The following ZRANB3 variants were observed in gnomAD, a reference collection of about 807,000 sequenced individuals.
The protein encoded by ZRANB3 is DNA annealing helicase and endonuclease ZRANB3.
In ZRANB3, 125 loss-of-function variants were observed where a neutral mutation model predicts 133.8. The ratio of observed to expected loss-of-function variants is 0.93; its 90% CI spans 0.81 to 1.08. The LOEUF is 1.08. Among genes scored for constraint, ZRANB3 ranks in the 50% least tolerant of loss-of-function variants. The probability of loss-of-function intolerance (pLI) is 0.00; values close to 1 mark genes in which losing one functional copy is unlikely to be tolerated. For missense variants in ZRANB3, 1,229 were observed against 1,275.5 expected (o/e 0.96, Z 0.56); for synonymous variants, 387 against 432.7 (o/e 0.89, Z 1.31).
intron 9 of ZRANB3, 76 bp from the exon 10 acceptor site, chr2:135,271,963 T>G (rs1419059164): frequency 7.3e-7 from 1 of 1,365,482 alleles, no homozygotes; most frequent in Non-Finnish European, 9.5e-7. Flanking sequence ...TTTTACAGCT[T>G]ATTTTTATGG....
At chr2:135,424,941 C>T (rs1172648856) in intron 2 of ZRANB3, among the ~76,000 whole-genome samples, 15 of 152,064 alleles carry the variant, frequency 9.9e-5, no homozygotes, top group Admixed American at 9.8e-4. Flanking sequence ...ATACAAAAGA[C>T]TGCATACAAA....
chr2:135,389,905 G>A (rs1338311120), intron 3 of ZRANB3, among the ~76,000 whole-genome samples: 1 of 135,276 alleles, frequency 7.4e-6, no homozygotes, highest in Non-Finnish European at 1.6e-5. Flanking sequence ...TTTTGAGACG[G>A]AGTCTCACTC....
chr2:135,291,220 C>A (rs1347293751), intron 8 of ZRANB3, among the ~76,000 whole-genome samples: 2 of 151,350 alleles, frequency 1.3e-5, no homozygotes, highest in Non-Finnish European at 1.5e-5. Context: ...ACTCTGTCAC[C>A]CAGGGTGGAG....
intron 8 of ZRANB3, among the ~76,000 whole-genome samples, chr2:135,311,322 CA>C (rs1197409229): frequency 6.6e-6 from 1 of 152,058 alleles, no homozygotes; most frequent in Non-Finnish European, 1.5e-5. Flanking sequence ...CTAGTGCTCA[CA>C]AAGATATCAA....
chr2:135,511,279 T>C, intron 1 of ZRANB3: 1 of 1,014,788 alleles, frequency 9.9e-7, no homozygotes, highest in Non-Finnish European at 1.6e-6. Flanking sequence ...TCAGGAGCAG[T>C]TTCTTCTAAT....
intron 2 of ZRANB3, among the ~76,000 whole-genome samples, chr2:135,479,532 G>C (rs780665947): frequency 1.2e-4 from 18 of 152,222 alleles, no homozygotes; most frequent in African/African-American, 3.9e-4. Flanking sequence ...CTACTCGGAA[G>C]GCTGAGGCGG....
chr2:135,229,663 G>A (rs1030613052), intron 13 of ZRANB3, among the ~76,000 whole-genome samples: 6 of 152,182 alleles, frequency 3.9e-5, no homozygotes, highest in Non-Finnish European at 7.4e-5. Context: ...CACCGCGCCC[G>A]GCCGCCAATA....
At chr2:135,275,841 C>A in intron 8 of ZRANB3, 86 bp from the exon 9 acceptor site, 1 of 1,123,774 alleles carries the variant, frequency 8.9e-7, no homozygotes, top group Non-Finnish European at 1.2e-6. Flanking sequence ...AGAAAAATGG[C>A]TTGAAAATCA....
At chr2:135,398,619 C>A (rs991763093) in intron 2 of ZRANB3, among the ~76,000 whole-genome samples, 2 of 148,944 alleles carry the variant, frequency 1.3e-5, no homozygotes, top group Non-Finnish European at 1.5e-5. Context: ...CCTGGGTTTA[C>A]GCCATTCTCC....
intron 8 of ZRANB3, among the ~76,000 whole-genome samples, chr2:135,294,142 A>G (rs1222362052): frequency 2.6e-5 from 4 of 152,088 alleles, no homozygotes; most frequent in Admixed American, 6.6e-5. Context: ...CTCTTTTTCT[A>G]TTGATTGGAA....
At chr2:135,377,583 T>C (rs370690643) in intron 3 of ZRANB3, among the ~76,000 whole-genome samples, 33 of 152,192 alleles carry the variant, frequency 2.2e-4, no homozygotes, top group African/African-American at 7.7e-4. Flanking sequence ...GGGTTCCCAA[T>C]TGCCAAAGCT....
chr2:135,530,058 T>C (rs2104854480), intron 1 of ZRANB3, among the ~76,000 whole-genome samples: 1 of 151,106 alleles, frequency 6.6e-6, no homozygotes, highest in African/African-American at 2.4e-5. Flanking sequence ...AAACCCCGTC[T>C]CTACTAAAAA....
At chr2:135,485,310 C>T (rs1437491013) in intron 2 of ZRANB3, among the ~76,000 whole-genome samples, 3 of 152,022 alleles carry the variant, frequency 2.0e-5, no homozygotes, top group South Asian at 2.1e-4. Flanking sequence ...ACTGTCTATC[C>T]CAGGGGCCAG....
chr2:135,511,063 G>A lies in ZRANB3; in HGVS notation c.-7-6567C>T, dbSNP rs187164236. The A allele has an allele frequency of 5.7e-4, 444 of 773,116 alleles. No homozygotes were observed. The African/African-American group carries it at 6.9e-3, about 12-fold the overall frequency. The allele number at this position is 773,116 out of a possible 1,614,324, so 47.9% of individuals were successfully genotyped here. A position where few individuals can be genotyped will look rare whatever the true frequency, so the allele number is the denominator to read the frequency against. On this transcript the variant is annotated intron_variant, in intron 1 of 20. Coordinates refer to ENST00000264159, the MANE Select transcript of ZRANB3 (RefSeq NM_032143.4). ...CTTTGATCCCTTTGAGGTTTCTGTG[G>A]TGGAATCTGAGATTCAGGCTTAGAC...
chr2:135,278,181 A>G (rs983247558), intron 8 of ZRANB3, among the ~76,000 whole-genome samples: 1 of 152,180 alleles, frequency 6.6e-6, no homozygotes, highest in Non-Finnish European at 1.5e-5. Flanking sequence ...CATTATCAAG[A>G]AATTTTAGAA....
intron 2 of ZRANB3, among the ~76,000 whole-genome samples, chr2:135,502,849 A>G (rs976465435): frequency 6.6e-6 from 1 of 152,238 alleles, no homozygotes; most frequent in Non-Finnish European, 1.5e-5. Flanking sequence ...TGCAGGTGTA[A>G]GGTGAAAAAC....
At chr2:135,388,577 A>G (rs987679623) in intron 3 of ZRANB3, among the ~76,000 whole-genome samples, 20 of 152,304 alleles carry the variant, frequency 1.3e-4, no homozygotes, top group African/African-American at 4.8e-4. Flanking sequence ...TTGGAAAAGA[A>G]TTTATACACA....
At chr2:135,525,354 G>A (rs1158752656) in intron 1 of ZRANB3, among the ~76,000 whole-genome samples, 1 of 152,158 alleles carries the variant, frequency 6.6e-6, no homozygotes, top group Non-Finnish European at 1.5e-5. Flanking sequence ...AACACCATTA[G>A]TAGGAAAGAA....
intron 6 of ZRANB3, among the ~76,000 whole-genome samples, chr2:135,321,966 G>C (rs916058018): frequency 6.6e-6 from 1 of 151,762 alleles, no homozygotes; most frequent in African/African-American, 2.4e-5. Context: ...GTCTTTTATC[G>C]TTCATGAAGT....
Sources: allele counts gnomAD v4.1 joint callset (sites outside exome capture counted in the v4.1 genomes callset), GRCh38; gene constraint gnomAD v4.1.1; transcripts MANE v1.5; gene names NCBI Gene and HGNC (gene_info 2026-07-23, HGNC 2026-07-21).